Variants in CDH4 observed in about 807,000 individuals in gnomAD.
CDH4 encodes the protein cadherin-4.
CDH4 carries 33 observed loss-of-function variants against 86.0 expected under a neutral mutation model. That is an observed-to-expected ratio of 0.38 (90% CI 0.29 to 0.51). The LOEUF (loss-of-function observed/expected upper bound fraction) is 0.51. Among genes scored for constraint, CDH4 ranks in the 20% least tolerant of loss-of-function variants. CDH4 has a pLI of 0.86. For missense variants in CDH4, 1,114 were observed against 1,307.4 expected (o/e 0.85, Z 2.28); for synonymous variants, 555 against 549.4 (o/e 1.01, Z -0.14).
chr20:61,925,457 G>A (rs1371704270), intron 11 of CDH4, among the ~76,000 whole-genome samples: 7 of 152,224 alleles, frequency 4.6e-5, no homozygotes, highest in Admixed American at 4.6e-4. Flanking sequence ...AATCAAACGA[G>A]TCGGAGTCAC....
chr20:61,502,616 A>G (rs2085711871), intron 2 of CDH4, among the ~76,000 whole-genome samples: 1 of 152,176 alleles, frequency 6.6e-6, no homozygotes, highest in South Asian at 2.1e-4. Context: ...TAACCCTGAT[A>G]CTGCACAATT....
At chr20:61,679,996 G>A (rs1447871217) in intron 2 of CDH4, among the ~76,000 whole-genome samples, 6 of 152,274 alleles carry the variant, frequency 3.9e-5, no homozygotes, top group East Asian at 3.9e-4. Flanking sequence ...AGTGAAGCTT[G>A]CAGCCCCCAG....
At chr20:61,701,968 C>T (rs2145886453) in intron 2 of CDH4, among the ~76,000 whole-genome samples, 1 of 152,340 alleles carries the variant, frequency 6.6e-6, no homozygotes, top group African/African-American at 2.4e-5. Flanking sequence ...TCGTCCTCCT[C>T]CTTCGTCAGC....
At chr20:61,511,772 A>G (rs528784072) in intron 2 of CDH4, among the ~76,000 whole-genome samples, 10 of 152,326 alleles carry the variant, frequency 6.6e-5, no homozygotes, top group African/African-American at 2.2e-4. Flanking sequence ...CACTTTGCCT[A>G]AGATTAAGTC....
chr20:61,492,656 T>C (rs1450912310), intron 2 of CDH4, among the ~76,000 whole-genome samples: 1 of 152,158 alleles, frequency 6.6e-6, no homozygotes, highest in Non-Finnish European at 1.5e-5. Flanking sequence ...AATGCCGTGG[T>C]GAAAATATCA....
chr20:61,651,958 C>T (rs1449980833), intron 2 of CDH4, among the ~76,000 whole-genome samples: 4 of 152,186 alleles, frequency 2.6e-5, no homozygotes, highest in Non-Finnish European at 5.9e-5. Flanking sequence ...TAGAAAGTCA[C>T]AGGGGAGAGG....
At chr20:61,551,158 C>T (rs1385174003) in intron 2 of CDH4, among the ~76,000 whole-genome samples, 2 of 152,206 alleles carry the variant, frequency 1.3e-5, no homozygotes, top group Non-Finnish European at 2.9e-5. Flanking sequence ...TTGCACATGG[C>T]ATGTCATGGG....
At chr20:61,917,654 C>G (rs538587474) in intron 9 of CDH4, among the ~76,000 whole-genome samples, 1 of 152,378 alleles carries the variant, frequency 6.6e-6, no homozygotes, top group Non-Finnish European at 1.5e-5. Context: ...GTCCTGCCCA[C>G]TCCGCCCAGC....
intron 4 of CDH4, among the ~76,000 whole-genome samples, chr20:61,834,374 C>A (rs1363591959): frequency 6.6e-6 from 1 of 152,206 alleles, no homozygotes; most frequent in Non-Finnish European, 1.5e-5. Context: ...CCCCCTTGGG[C>A]TCCCACTACA....
chr20:61,293,518 T>C (rs2084334976), intron 2 of CDH4, among the ~76,000 whole-genome samples: 1 of 152,186 alleles, frequency 6.6e-6, no homozygotes, highest in Non-Finnish European at 1.5e-5. Context: ...AGGCCTGGAC[T>C]GGTCCTGGGG....
rs138638458 is a variant in CDH4, at chr20:61,625,585, A to G, written c.170-117978A>G. Among the ~76,000 whole-genome samples, 399 of 152,358 alleles carry G rather than the reference A, an allele frequency of 2.6e-3. 5 individuals are homozygous for G. Among genetic ancestry groups the G allele is most frequent in the Admixed American group, 4.8e-3 (73 of 15,310 alleles). ...GATCAATGAAAACAAATCTCAAAGC[A>G]GCGAAAACAACATGATTTTCAAGAG... On this transcript the variant is annotated intron_variant, in intron 2 of 15. Transcript: ENST00000614565.
chr20:61,564,566 C>T (rs1007903716), intron 2 of CDH4, among the ~76,000 whole-genome samples: 22 of 152,294 alleles, frequency 1.4e-4, no homozygotes, highest in Middle Eastern at 3.4e-3. Flanking sequence ...CACCCTCCAC[C>T]ATGATTGAAG....
chr20:61,535,387 C>T (rs2085988889), intron 2 of CDH4, among the ~76,000 whole-genome samples: 2 of 152,184 alleles, frequency 1.3e-5, no homozygotes, highest in African/African-American at 4.8e-5. Flanking sequence ...TCCCCAGGCC[C>T]ACGGAACAAG....
chr20:61,734,319 A>C (rs1239242483), intron 2 of CDH4, among the ~76,000 whole-genome samples: 2 of 152,206 alleles, frequency 1.3e-5, no homozygotes, highest in African/African-American at 2.4e-5. Context: ...TAATCCTCGG[A>C]GTTCAGAACT....
chr20:61,554,510 A>G (rs1357888445), intron 2 of CDH4, among the ~76,000 whole-genome samples: 3 of 152,226 alleles, frequency 2.0e-5, no homozygotes, highest in Non-Finnish European at 2.9e-5. Context: ...GGAGAGCCAT[A>G]AGGAGCCTTT....
intron 7 of CDH4, among the ~76,000 whole-genome samples, chr20:61,886,847 G>A (rs913765608): frequency 5.9e-5 from 9 of 152,222 alleles, no homozygotes; most frequent in Non-Finnish European, 1.2e-4. Flanking sequence ...TTGGGGCACC[G>A]GGAGGAGGTG....
intron 2 of CDH4, among the ~76,000 whole-genome samples, chr20:61,339,330 G>A (rs1316407613): frequency 1.3e-5 from 2 of 152,148 alleles, no homozygotes; most frequent in African/African-American, 2.4e-5. Flanking sequence ...TGGTGATGAT[G>A]ATGATGGTAT....
chr20:61,433,175 G>A (rs763624462), intron 2 of CDH4, among the ~76,000 whole-genome samples: 5 of 152,136 alleles, frequency 3.3e-5, no homozygotes, highest in Non-Finnish European at 5.9e-5. Flanking sequence ...TTTGATGTGC[G>A]TGAAGGGTCA....
chr20:61,677,343 C>T (rs531381865), intron 2 of CDH4, among the ~76,000 whole-genome samples: 5 of 152,340 alleles, frequency 3.3e-5, no homozygotes, highest in Admixed American at 2.0e-4. Flanking sequence ...AGGCAGCAAA[C>T]GTGCTCAACC....
Sources: allele counts gnomAD v4.1 joint callset (sites outside exome capture counted in the v4.1 genomes callset), GRCh38; gene constraint gnomAD v4.1.1; transcripts MANE v1.5; gene names NCBI Gene and HGNC (gene_info 2026-07-23, HGNC 2026-07-21).